Variants in GALNT13 observed in about 807,000 individuals in gnomAD.
GALNT13 encodes UDP-GalNAc:polypeptide N-acetylgalactosaminyltransferase 13.
In GALNT13, 28 loss-of-function variants were observed where a neutral mutation model predicts 64.2. That is an observed-to-expected ratio of 0.44 (90% CI 0.32 to 0.60). GALNT13 has a LOEUF of 0.60. GALNT13 is among the 20% of genes least tolerant of loss of function. The probability of loss-of-function intolerance (pLI) is 0.05; values close to 1 mark genes in which losing one functional copy is unlikely to be tolerated. For synonymous variants in GALNT13, 214 were observed against 224.6 expected, an observed-to-expected ratio of 0.95 and a Z score of 0.42; for missense variants, 577 against 669.8, an observed-to-expected ratio of 0.86 and a Z score of 1.53.
At chr2:154,325,940 G>C (rs1399669179) in intron 9 of GALNT13, among the ~76,000 whole-genome samples, 1 of 152,026 alleles carries the variant, frequency 6.6e-6, no homozygotes, top group African/African-American at 2.4e-5. Context: ...CTCCGAGGGC[G>C]GGGCCCAGGA....
At chr2:153,474,723 AT>A in the GALNT13 span, among the ~76,000 whole-genome samples, 7 of 152,212 alleles carry the variant, frequency 4.6e-5, no homozygotes, top group South Asian at 1.5e-3. Flanking sequence ...TTCTCCCTGC[AT>A]TTGCTGTATT....
At chr2:153,885,814 A>T (rs1248424879) in intron 1 of GALNT13, among the ~76,000 whole-genome samples, 4 of 152,116 alleles carry the variant, frequency 2.6e-5, no homozygotes, top group Non-Finnish European at 1.5e-5. Flanking sequence ...GTAGCTGATC[A>T]AAATAATTGC....
chr2:153,853,165 C>T, the GALNT13 span, among the ~76,000 whole-genome samples: 1 of 152,200 alleles, frequency 6.6e-6, no homozygotes, highest in Non-Finnish European at 1.5e-5. Flanking sequence ...GGCCAAAAGA[C>T]TCAGGCAGTC....
chr2:153,934,833 G>A (rs1204082198), intron 2 of GALNT13, among the ~76,000 whole-genome samples: 1 of 152,112 alleles, frequency 6.6e-6, no homozygotes, highest in Non-Finnish European at 1.5e-5. Context: ...TATGAAAAGT[G>A]GCCTGGCTGT....
chr2:154,454,372 A>G (rs1216892733), downstream of GALNT13, among the ~76,000 whole-genome samples: 3 of 152,110 alleles, frequency 2.0e-5, no homozygotes, highest in Admixed American at 2.0e-4. Context: ...TTCATTAAAC[A>G]TGTTATGGGG....
the GALNT13 span, among the ~76,000 whole-genome samples, chr2:153,141,334 T>G: frequency 1.3e-5 from 2 of 152,040 alleles, no homozygotes; most frequent in African/African-American, 4.8e-5. Context: ...TCAACTTGTC[T>G]GTCCTTGTGT....
chr2:153,470,410 G>T, the GALNT13 span, among the ~76,000 whole-genome samples: 1 of 152,104 alleles, frequency 6.6e-6, no homozygotes, highest in Non-Finnish European at 1.5e-5. Context: ...CAGTCACAGC[G>T]GTTTGTTCAG....
Position 154,308,282 on chromosome 2 carries a change from C to A in GALNT13, c.1156+6693C>A, listed in dbSNP as rs116970587. ...GAAGGTTAACTCCCTATTCGTTAAC[C>A]TTTTAAAAATGCTTAAGAAAAATCA... On this transcript the variant is annotated intron_variant, in intron 9 of 12. Transcript: ENST00000392825. Among the ~76,000 whole-genome samples, 556 of 152,164 alleles carry A rather than the reference C, an allele frequency of 3.7e-3. 10 individuals carry two copies. The highest frequency in any genetic ancestry group is 0.024 in the Admixed American group (373 of 15,262).
At chr2:154,043,108 T>G (rs543359127) in intron 3 of GALNT13, among the ~76,000 whole-genome samples, 2 of 152,148 alleles carry the variant, frequency 1.3e-5, no homozygotes, top group South Asian at 4.1e-4. Context: ...CCTGTGATGA[T>G]GACAGCAGTA....
At chr2:153,395,439 A>G in the GALNT13 span, among the ~76,000 whole-genome samples, 1 of 152,146 alleles carries the variant, frequency 6.6e-6, no homozygotes, top group Non-Finnish European at 1.5e-5. Flanking sequence ...GAAGACCTTG[A>G]TACCTGGACC....
chr2:153,310,605 A>T, the GALNT13 span, among the ~76,000 whole-genome samples: 1 of 152,090 alleles, frequency 6.6e-6, no homozygotes, highest in Non-Finnish European at 1.5e-5. Context: ...AGCTTACTTT[A>T]TTGTAGGAAT....
chr2:153,234,690 A>G, the GALNT13 span, among the ~76,000 whole-genome samples: 1 of 152,140 alleles, frequency 6.6e-6, no homozygotes, highest in Non-Finnish European at 1.5e-5. Flanking sequence ...ACTGAGCCTC[A>G]TGTATTACAT....
At chr2:153,540,293 C>T in the GALNT13 span, among the ~76,000 whole-genome samples, 2 of 152,214 alleles carry the variant, frequency 1.3e-5, no homozygotes. Flanking sequence ...TGGTATTGGT[C>T]CTGCAGGTGC....
the GALNT13 span, among the ~76,000 whole-genome samples, chr2:153,149,468 G>A: frequency 3.2e-4 from 48 of 151,952 alleles, 1 homozygote; most frequent in South Asian, 7.9e-3. Flanking sequence ...TGATTTCCTG[G>A]CTGAAGAAAT....
At chr2:153,713,110 A>G in the GALNT13 span, among the ~76,000 whole-genome samples, 1 of 152,192 alleles carries the variant, frequency 6.6e-6, no homozygotes, top group Non-Finnish European at 1.5e-5. Context: ...TATGGCAGAT[A>G]CGGAATTTAA....
At chr2:154,099,470 T>C (rs1424149933) in intron 3 of GALNT13, among the ~76,000 whole-genome samples, 1 of 152,128 alleles carries the variant, frequency 6.6e-6, no homozygotes, top group Non-Finnish European at 1.5e-5. Flanking sequence ...GCTATCAAGG[T>C]CTTCATCGTA....
At chr2:154,448,401 C>T (rs889759015) in intron 12 of GALNT13, among the ~76,000 whole-genome samples, 1 of 151,918 alleles carries the variant, frequency 6.6e-6, no homozygotes, top group African/African-American at 2.4e-5. Context: ...TATTTGTAAG[C>T]ATGTTTAAGT....
Position 154,355,440 on chromosome 2 carries a change from G to A in GALNT13, c.1157-40551G>A, listed in dbSNP as rs116473797. The stretch of plus-strand genomic sequence containing the variant: ...CTTAAATAGTTTTAGTTCACGAAGC[G>A]CATCAGCACAGGTACATATAAATGT... On this transcript the variant is annotated intron_variant, in intron 9 of 12. Coordinates refer to ENST00000392825, the MANE Select transcript of GALNT13 (RefSeq NM_052917.4). Among the ~76,000 whole-genome samples the A allele has an allele frequency of 3.7e-3, 564 of 152,116 alleles. 4 individuals are homozygous for A. The highest frequency in any genetic ancestry group is 0.013 in the African/African-American group (521 of 41,520).
At chr2:153,312,202 G>A in the GALNT13 span, among the ~76,000 whole-genome samples, 9 of 152,094 alleles carry the variant, frequency 5.9e-5, no homozygotes, top group Non-Finnish European at 1.2e-4. Flanking sequence ...GACTTTCTAC[G>A]GGACAGTCCT....
Sources: gnomAD v4.1 joint callset for allele counts (sites outside exome capture counted in the v4.1 genomes callset) on GRCh38, gnomAD v4.1.1 for gene constraint, MANE v1.5 for transcripts, NCBI Gene and HGNC (gene_info 2026-07-23, HGNC 2026-07-21) for gene names.